The following PDE4D variants were observed in gnomAD, a reference collection of about 807,000 sequenced individuals.
PDE4D encodes the protein phosphodiesterase 4D, also known as 3',5'-cyclic-AMP phosphodiesterase 4D.
In PDE4D, 24 loss-of-function variants were observed where a neutral mutation model predicts 87.4. The observed-to-expected ratio is 0.27, with a 90% CI of 0.20 to 0.39. The LOEUF (loss-of-function observed/expected upper bound fraction) is 0.39. PDE4D is among the 10% of genes least tolerant of loss of function. The pLI, the probability that PDE4D is intolerant of heterozygous loss-of-function variation, is 1.00. For synonymous variants in PDE4D, 384 were observed against 383.2 expected (o/e 1.00, Z -0.02); for missense variants, 714 against 1,041.0 (o/e 0.69, Z 4.32).
intron 1 of PDE4D, among the ~76,000 whole-genome samples, chr5:60,476,712 C>T (rs752591706): frequency 1.3e-5 from 2 of 152,170 alleles, no homozygotes; most frequent in Admixed American, 6.5e-5. Flanking sequence ...AATGCCCCTG[C>T]GTGCAGCACA....
chr5:60,054,217 T>G (rs1269981354), intron 2 of PDE4D, among the ~76,000 whole-genome samples: 1 of 152,188 alleles, frequency 6.6e-6, no homozygotes, highest in East Asian at 1.9e-4. Flanking sequence ...ATCATTCTAC[T>G]GTAAAGACAC....
At chr5:60,022,812 T>A (rs972365717) in intron 2 of PDE4D, 1 of 152,352 alleles carries the variant, frequency 6.6e-6, no homozygotes, top group African/African-American at 2.4e-5. Flanking sequence ...TCCTCTTGTG[T>A]CTCCCTGGTC....
At chr5:59,068,841 C>T (rs1460110076) in intron 5 of PDE4D, among the ~76,000 whole-genome samples, 2 of 152,116 alleles carry the variant, frequency 1.3e-5, no homozygotes, top group African/African-American at 4.8e-5. Flanking sequence ...CCTAAAACTA[C>T]CTCGCTCATC....
intron 1 of PDE4D, among the ~76,000 whole-genome samples, chr5:59,590,666 C>T (rs981908166): frequency 1.3e-5 from 2 of 152,118 alleles, no homozygotes; most frequent in Admixed American, 6.5e-5. Context: ...GGCATAACCT[C>T]AGCTCTACTA....
At chr5:60,492,308 C>T (rs557162413), upstream of PDE4D, among the ~76,000 whole-genome samples, 4 of 152,068 alleles carry the variant, frequency 2.6e-5, no homozygotes, top group South Asian at 6.2e-4. Flanking sequence ...CATGGTAGCA[C>T]ACACCTGTAG....
chr5:59,024,146 C>T (rs970388452), intron 6 of PDE4D, among the ~76,000 whole-genome samples: 26 of 150,680 alleles, frequency 1.7e-4, no homozygotes, highest in African/African-American at 6.3e-4. Flanking sequence ...ATGTGATCGA[C>T]CTCCCAAAGT....
intron 1 of PDE4D, 86 bp from the exon 2 acceptor site, chr5:59,216,054 T>C (rs1581427034): frequency 1.1e-6 from 1 of 900,630 alleles, no homozygotes. Context: ...GCTGAGGAAC[T>C]GACAGTGGAA....
At chr5:59,448,451 A>G (rs772025029) in intron 1 of PDE4D, among the ~76,000 whole-genome samples, 1 of 152,208 alleles carries the variant, frequency 6.6e-6, no homozygotes, top group Non-Finnish European at 1.5e-5. Context: ...TGAATTTTCA[A>G]TACATCTGGG....
At position 60,199,498 on chromosome 5, in the gene PDE4D, A is replaced by C. The variant is rs903567776; in HGVS notation, c.-89-13811T>G. Among the ~76,000 whole-genome samples the C allele has an allele frequency of 2.4e-4, 37 of 151,778 alleles. 1 individual carries two copies. Among genetic ancestry groups the C allele is most frequent in the African/African-American group, 8.7e-4 (36 of 41,514 alleles). On this transcript the variant is annotated intron_variant, in intron 1 of 16. Transcript: ENST00000502484. ...TAAATATTATTGTGCTAATAGATGA[A>C]TTTCTTAGTGAAAATGGAAAATGGC... is the stretch of plus-strand genomic sequence containing the variant.
chr5:59,401,579 A>G (rs967947744), intron 1 of PDE4D, among the ~76,000 whole-genome samples: 7 of 152,106 alleles, frequency 4.6e-5, no homozygotes, highest in African/African-American at 1.4e-4. Context: ...TGAGCTTTAT[A>G]CTGGAATACC....
chr5:59,806,462 T>C (rs1767746159), intron 1 of PDE4D, among the ~76,000 whole-genome samples: 1 of 152,242 alleles, frequency 6.6e-6, no homozygotes, highest in African/African-American at 2.4e-5. Flanking sequence ...TAGACAAGTA[T>C]GTTTTAAGGC....
intron 1 of PDE4D, among the ~76,000 whole-genome samples, chr5:59,601,447 A>C (rs796173313): frequency 6.6e-6 from 1 of 151,014 alleles, no homozygotes; most frequent in East Asian, 1.9e-4. Context: ...CTATGTCTGA[A>C]TGGCACCCTA....
chr5:60,145,914 G>A (rs926210422), intron 2 of PDE4D, among the ~76,000 whole-genome samples: 2 of 152,254 alleles, frequency 1.3e-5, no homozygotes, highest in South Asian at 2.1e-4. Context: ...TTTCAACTAG[G>A]TTATAAATTA....
At chr5:60,078,045 G>A (rs993266692) in intron 2 of PDE4D, among the ~76,000 whole-genome samples, 1 of 152,072 alleles carries the variant, frequency 6.6e-6, no homozygotes, top group Admixed American at 6.6e-5. Context: ...TCTTTCTGAT[G>A]TCCCAGTCCT....
At position 59,927,714 on chromosome 5, in the gene PDE4D, T is replaced by C. The variant is rs1315256771; in HGVS notation, c.272+60774A>G. On this transcript the variant is annotated intron_variant, in intron 3 of 16. Coordinates refer to the PDE4D transcript ENST00000502484. The stretch of plus-strand genomic sequence containing the variant: ...AATGGGAAACATATGGAAACAGAAA[T>C]GTAACCAAAAGTTCTTTTTGATGAT... 1.3e-5 allele frequency among the ~76,000 whole-genome samples: 2 copies of C among 152,138 alleles called. 1 individual carries two copies. Among genetic ancestry groups the C allele is most frequent in the South Asian group, 4.1e-4 (2 of 4,828 alleles).
chr5:60,095,680 A>G (rs557292184), intron 2 of PDE4D, among the ~76,000 whole-genome samples: 1 of 152,224 alleles, frequency 6.6e-6, no homozygotes, highest in Admixed American at 6.5e-5. Context: ...TACAAGTTCA[A>G]TGGTTGAACT....
intron 1 of PDE4D, among the ~76,000 whole-genome samples, chr5:59,841,576 T>C (rs1742997936): frequency 6.6e-6 from 1 of 152,020 alleles, no homozygotes; most frequent in African/African-American, 2.4e-5. Flanking sequence ...GGGGAATTTG[T>C]TGGGGTCACT....
intron 1 of PDE4D, among the ~76,000 whole-genome samples, chr5:60,305,942 A>G (rs1174729468): frequency 1.3e-5 from 2 of 152,104 alleles, no homozygotes; most frequent in African/African-American, 4.8e-5. Flanking sequence ...TAAAAGGTCC[A>G]TAAAGCATAT....
chr5:60,009,042 A>T (rs1668041170), intron 2 of PDE4D, among the ~76,000 whole-genome samples: 1 of 152,006 alleles, frequency 6.6e-6, no homozygotes, highest in African/African-American at 2.4e-5. Flanking sequence ...GTGAAGACCA[A>T]ATCCTTCAGC....
Sources: gnomAD v4.1 joint callset for allele counts (sites outside exome capture counted in the v4.1 genomes callset) on GRCh38, gnomAD v4.1.1 for gene constraint, MANE v1.5 for transcripts, NCBI Gene and HGNC (gene_info 2026-07-23, HGNC 2026-07-21) for gene names.